SRSF3: variants seen among roughly 807,000 people sequenced by gnomAD.
SRSF3 encodes serine/arginine-rich splicing factor 3.
For synonymous variants in SRSF3, 87 were observed against 73.6 expected (o/e 1.18, Z -0.93); for missense variants, 58 against 217.1 (o/e 0.27, Z 4.61).
intron 2 of SRSF3, among the ~76,000 whole-genome samples, chr6:36,597,884 G>T (rs954247844): frequency 5.5e-5 from 8 of 146,528 alleles, no homozygotes; most frequent in Non-Finnish European, 1.2e-4. Context: ...AAATAATACA[G>T]ACGACAGTCT....
intron 3 of SRSF3, chr6:36,599,771 T>A (rs1042722490): frequency 2.3e-6 from 3 of 1,298,646 alleles, no homozygotes; most frequent in Non-Finnish European, 3.1e-6. Context: ...GTTTTTCATT[T>A]TTTTTGTGCT....
intron 2 of SRSF3, chr6:36,598,642 A>G (rs969739255): frequency 1.1e-4 from 56 of 524,456 alleles, no homozygotes; most frequent in African/African-American, 9.4e-4. Flanking sequence ...TCGGCCTCAT[A>G]AAGTGTTGGG....
intron 5 of SRSF3, 63 bp from the exon 6 acceptor site, chr6:36,601,899 C>T (rs1214810580): frequency 8.8e-6 from 14 of 1,584,946 alleles, no homozygotes; most frequent in African/African-American, 1.4e-5. Context: ...TTCGATATGT[C>T]ACTAAAGTGT....
rs1382529025 is a variant in SRSF3, at chr6:36,603,788, C to A, written c.*1799C>A. On this transcript the variant is annotated 3_prime_UTR_variant, in exon 6 of 6. Transcript: ENST00000373715. ...TAGCTAAGAAGTTACGGAAGCCATG[C>A]AATATGTCAATTACATTGCTTTTTA... 3 of 231,386 alleles carry A rather than the reference C, an allele frequency of 1.3e-5. No homozygotes were observed. Among genetic ancestry groups the A allele is most frequent in the Admixed American group, 5.6e-5 (1 of 17,736 alleles). 14.3% of individuals were successfully genotyped at this position (231,386 alleles called of 1,614,324 possible). A position where few individuals can be genotyped will look rare whatever the true frequency, so the allele number is the denominator to read the frequency against.
intron 2 of SRSF3, among the ~76,000 whole-genome samples, chr6:36,597,466 AAT>A (rs1778649726): frequency 6.6e-6 from 1 of 152,160 alleles, no homozygotes; most frequent in Non-Finnish European, 1.5e-5. Flanking sequence ...TTGTTTACAA[AAT>A]GGTTACATGG....
chr6:36,598,581 A>C (rs1204582223), intron 2 of SRSF3: 1 of 328,956 alleles, frequency 3.0e-6, no homozygotes, highest in Non-Finnish European at 5.7e-6. Flanking sequence ...CGAGGGTTTC[A>C]CCACGTTGGC....
intron 3 of SRSF3, chr6:36,600,396 A>G (rs562165157): frequency 3.5e-6 from 2 of 577,788 alleles, no homozygotes; most frequent in Non-Finnish European, 2.2e-6. Flanking sequence ...ACGTACATAT[A>G]TATTGCTTGA....
intron 4 of SRSF3, chr6:36,601,411 A>C (rs1778713771): frequency 3.4e-6 from 2 of 592,368 alleles, no homozygotes; most frequent in Non-Finnish European, 5.9e-6. Context: ...CAGTGGTGTG[A>C]TTATAGCTCA....
At chr6:36,598,001 A>G (rs1315083045) in intron 2 of SRSF3, among the ~76,000 whole-genome samples, 2 of 151,888 alleles carry the variant, frequency 1.3e-5, no homozygotes, top group East Asian at 1.9e-4. Context: ...GGCCACAGCT[A>G]TAATTTCTTC....
rs1455721386 is a variant in SRSF3, at chr6:36,604,123, T to G, written c.*2134T>G. 8.9e-6 allele frequency: 2 copies of G among 223,578 alleles called. No homozygotes were observed. The highest frequency in any genetic ancestry group is 4.5e-5 in the African/African-American group (2 of 44,772). 13.8% of individuals were successfully genotyped at this position (223,578 alleles called of 1,614,324 possible). A position where few individuals can be genotyped will look rare whatever the true frequency, so the allele number is the denominator to read the frequency against. On this transcript the variant is annotated 3_prime_UTR_variant, in exon 6 of 6. Transcript: ENST00000373715. The stretch of plus-strand genomic sequence containing the variant: ...TGTGGCTATTAGGAATTTTTAAAGT[T>G]GTAATTCCTAAAATAACAGGTCACA...
At chr6:36,601,429 C>CT (rs1778714337) in intron 4 of SRSF3, 2 of 578,204 alleles carry the variant, frequency 3.5e-6, no homozygotes, top group Non-Finnish European at 6.1e-6. Context: ...TCACTGTAGC[C>CT]TTTAACTCCT....
intron 2 of SRSF3, 146 bp downstream of exon 2, chr6:36,597,114 T>G: frequency 2.8e-6 from 2 of 722,506 alleles, no homozygotes; most frequent in East Asian, 2.7e-5. Flanking sequence ...TTTTTTTTTT[T>G]TTTTGGTGGG....
chr6:36,596,326 C>G (rs1037825145), intron 1 of SRSF3, among the ~76,000 whole-genome samples: 2 of 152,020 alleles, frequency 1.3e-5, no homozygotes, highest in Non-Finnish European at 2.9e-5. Flanking sequence ...GGTAGTATAA[C>G]CTTAAGGACT....
rs530711656 is a variant in SRSF3, at chr6:36,603,076, AT to A, written c.*1101del. ...ATGTCACCTAAGTGATAGTTAACCC[AT>A]TTTTTTTTTTTTTAGGCATAGAAGC... is the stretch of plus-strand genomic sequence containing the variant. On this transcript the variant is annotated 3_prime_UTR_variant, in exon 6 of 6. Coordinates refer to ENST00000373715, the MANE Select transcript of SRSF3 (RefSeq NM_003017.5). The A allele has an allele frequency of 0.084, 15,983 of 189,530 alleles. 14 individuals are homozygous for A. Among genetic ancestry groups the A allele is most frequent in the East Asian group, 0.17 (1,993 of 11,690 alleles). The allele number at this position is 189,530 out of a possible 1,614,324, so 11.7% of individuals were successfully genotyped here.
intron 1 of SRSF3, among the ~76,000 whole-genome samples, chr6:36,594,939 CT>C (rs1262300215): frequency 6.6e-6 from 1 of 152,156 alleles, no homozygotes; most frequent in Non-Finnish European, 1.5e-5. Context: ...ATCTAATCAC[CT>C]TTTTCTAAGA....
chr6:36,601,892 G>A (rs1057021529), intron 5 of SRSF3, 70 bp from the exon 6 acceptor site: 25 of 1,584,934 alleles, frequency 1.6e-5, no homozygotes, highest in Admixed American at 1.5e-4. Context: ...GTTCTATTTC[G>A]ATATGTCACT....
intron 1 of SRSF3, among the ~76,000 whole-genome samples, chr6:36,596,514 T>C (rs1778629707): frequency 6.7e-6 from 1 of 149,414 alleles, no homozygotes; most frequent in African/African-American, 2.5e-5. Flanking sequence ...GAAGCTGTTT[T>C]TTTCTTCACT....
At chr6:36,599,486 C>T (rs1778683945) in intron 3 of SRSF3, 1 of 213,324 alleles carries the variant, frequency 4.7e-6, no homozygotes, top group South Asian at 6.8e-5. Context: ...ATCTGTTCTT[C>T]AATCCCAAAT....
chr6:36,597,897 G>A (rs1454159083), intron 2 of SRSF3, among the ~76,000 whole-genome samples: 1 of 149,874 alleles, frequency 6.7e-6, no homozygotes, highest in East Asian at 2.0e-4. Flanking sequence ...GACAGTCTGT[G>A]TTGCCCAGGC....
Sources: allele counts gnomAD v4.1 joint callset (sites outside exome capture counted in the v4.1 genomes callset), GRCh38; gene constraint gnomAD v4.1.1; transcripts MANE v1.5; gene names NCBI Gene and HGNC (gene_info 2026-07-23, HGNC 2026-07-21).